SLC12A6: variants seen among roughly 807,000 people sequenced by gnomAD.
SLC12A6 encodes the protein solute carrier family 12 member 6, also known as K-Cl cotransporter 3.
Under a neutral mutation model 135.3 loss-of-function variants are expected in SLC12A6, and 66 were observed. The ratio of observed to expected loss-of-function variants is 0.49; its 90% CI spans 0.40 to 0.60. The LOEUF (loss-of-function observed/expected upper bound fraction) is 0.60. Among genes scored for constraint, SLC12A6 ranks in the 20% least tolerant of loss-of-function variants. The pLI is 0.00. For synonymous variants in SLC12A6, 513 were observed against 508.8 expected, an observed-to-expected ratio of 1.01 and a Z score of -0.11; for missense variants, 1,058 against 1,452.3, an observed-to-expected ratio of 0.73 and a Z score of 4.41.
chr15:34,290,209 T>C (rs565174994), intron 2 of SLC12A6, among the ~76,000 whole-genome samples: 62 of 152,328 alleles, frequency 4.1e-4, no homozygotes, highest in African/African-American at 1.4e-3. Flanking sequence ...AAGAACATCT[T>C]TATTTCTGCC....
At chr15:34,267,765 T>C (rs572463227) in intron 3 of SLC12A6, among the ~76,000 whole-genome samples, 11 of 152,360 alleles carry the variant, frequency 7.2e-5, no homozygotes, top group African/African-American at 2.4e-4. Flanking sequence ...TGTCATTCTG[T>C]TGTTCCTTTG....
chr15:34,323,869 AG>A (rs1404806184), intron 2 of SLC12A6, among the ~76,000 whole-genome samples: 1 of 148,890 alleles, frequency 6.7e-6, no homozygotes, highest in Non-Finnish European at 1.5e-5. Context: ...TGAGCCTGGG[AG>A]GCTGAGGCTG....
chr15:34,251,401 C>G (rs894130463), intron 10 of SLC12A6, among the ~76,000 whole-genome samples: 3 of 152,106 alleles, frequency 2.0e-5, no homozygotes, highest in African/African-American at 7.2e-5. Context: ...GCGCCTGCCA[C>G]CACGCCCAGC....
Position 34,336,391 on chromosome 15 carries a change from G to A in SLC12A6, c.271+19C>T, listed in dbSNP as rs180871525. ...GAACCCAGTAATGAAAGTATGCTGC[G>A]GTCTGTGTTTCTACTTACCCTCGAT... On this transcript the variant is annotated intron_variant, in intron 2 of 25. Coordinates refer to ENST00000354181, the MANE Select transcript of SLC12A6 (RefSeq NM_001365088.1). 2.5e-6 allele frequency: 4 copies of A among 1,599,190 alleles called. No individual in the cohort carries two copies. The Admixed American group carries it at 5.0e-5, about 20-fold the overall frequency.
intron 16 of SLC12A6, among the ~76,000 whole-genome samples, chr15:34,243,360 G>A (rs1181852125): frequency 2.6e-5 from 4 of 152,142 alleles, no homozygotes; most frequent in Non-Finnish European, 5.9e-5. Flanking sequence ...ATGTAGCAAC[G>A]GGTACATACA....
chr15:34,332,739 C>T (rs567055302), intron 2 of SLC12A6, among the ~76,000 whole-genome samples: 43 of 151,124 alleles, frequency 2.8e-4, no homozygotes, highest in African/African-American at 9.7e-4. Context: ...GCCGAGATAG[C>T]GCCACTGCAC....
chr15:34,259,046 A>G (rs1234233636), intron 4 of SLC12A6, 102 bp from the exon 5 acceptor site: 2 of 1,019,248 alleles, frequency 2.0e-6, no homozygotes, highest in South Asian at 2.7e-5. Flanking sequence ...ATGAAAAAAT[A>G]TTTCACAGGT....
intron 2 of SLC12A6, chr15:34,318,621 T>G: frequency 6.2e-7 from 1 of 1,613,776 alleles, no homozygotes; most frequent in Non-Finnish European, 8.5e-7. Flanking sequence ...TCTTGAGAGA[T>G]CGAAGCCGCT....
At chr15:34,250,227 G>T in intron 13 of SLC12A6, 71 bp downstream of exon 13, 1 of 903,206 alleles carries the variant, frequency 1.1e-6, no homozygotes, top group Non-Finnish European at 1.9e-6. Flanking sequence ...TAACTGTCTT[G>T]GAGCTATGTG....
intron 2 of SLC12A6, among the ~76,000 whole-genome samples, chr15:34,285,528 C>T (rs1239352196): frequency 6.6e-6 from 1 of 150,904 alleles, no homozygotes; most frequent in African/African-American, 2.4e-5. Flanking sequence ...TTTTCCAAGC[C>T]AGCTTAGTAG....
intron 9 of SLC12A6, among the ~76,000 whole-genome samples, chr15:34,253,987 T>C (rs1273647127): frequency 6.6e-6 from 1 of 152,108 alleles, no homozygotes; most frequent in Admixed American, 6.5e-5. Flanking sequence ...GAGGCCAAGG[T>C]GGGCCTTATA....
chr15:34,234,022 C>T (rs758555514), intron 25 of SLC12A6, 50 bp from the exon 26 acceptor site: 2 of 915,048 alleles, frequency 2.2e-6, no homozygotes, highest in Admixed American at 1.7e-5. Flanking sequence ...AAACTTAAAA[C>T]CTGGCATCAT....
intron 13 of SLC12A6, among the ~76,000 whole-genome samples, chr15:34,247,357 A>G: frequency 6.6e-6 from 1 of 151,960 alleles, no homozygotes; most frequent in Non-Finnish European, 1.5e-5. Context: ...CTCTACTAAA[A>G]ATACAAAAAA....
At chr15:34,314,737 G>A (rs571267124) in intron 2 of SLC12A6, 3 of 152,554 alleles carry the variant, frequency 2.0e-5, no homozygotes, top group Admixed American at 6.6e-5. Flanking sequence ...AGGCTGGTGA[G>A]TGCAATGGTA....
At position 34,250,685 on chromosome 15, in the gene SLC12A6, G is replaced by C; in HGVS notation, c.1537C>G (p.Gln513Glu). 3 of 1,608,174 alleles carry C rather than the reference G, an allele frequency of 1.9e-6. No homozygotes were observed. The highest frequency in any genetic ancestry group is 1.7e-6 in the Non-Finnish European group (2 of 1,174,616). ...ATAGTACCAATCGGAATAGACTTCT[G>C]AGCATCTTTCAGATCTCCAGATCTG... ...SNRSGDLKDA[Q>E]KSIPIGTILA... The change falls in exon 12 of 26, where the codon CAG becomes GAG. Residue 513 changes from glutamine to glutamate, a missense_variant. By Grantham distance (29) the Gln-to-Glu change is conservative. This residue lies in a region of SLC12A6 where 297 missense variants were observed against 318.5 expected (regional missense o/e 0.93). Coordinates refer to ENST00000354181, the MANE Select transcript of SLC12A6 (RefSeq NM_001365088.1).
At chr15:34,330,642 G>C (rs11629462) in intron 2 of SLC12A6, among the ~76,000 whole-genome samples, 1 of 151,636 alleles carries the variant, frequency 6.6e-6, no homozygotes, top group Non-Finnish European at 1.5e-5. Flanking sequence ...TATCCAGCCT[G>C]GTTGACAGAA....
At chr15:34,290,590 T>C (rs1490829700) in intron 2 of SLC12A6, among the ~76,000 whole-genome samples, 2 of 152,160 alleles carry the variant, frequency 1.3e-5, no homozygotes, top group East Asian at 1.9e-4. Flanking sequence ...AAGTCTCCCA[T>C]TGTTACTGTG....
In SLC12A6 at chr15:34,320,414, C is replaced by A. The variant is rs185229834; in HGVS notation, c.271+15996G>T. Among the ~76,000 whole-genome samples the A allele has an allele frequency of 1.1e-4, 16 of 152,136 alleles. No individual in the cohort carries two copies. In the East Asian group the frequency reaches 2.7e-3, roughly 26 times the overall value. ...CATAGAGAGACAAATATCACATTTT[C>A]ATTCATACGTAGGAGCTAAAAATGT... On this transcript the variant is annotated intron_variant, in intron 2 of 25. Transcript: ENST00000354181.
chr15:34,257,631 G>A lies in SLC12A6; in HGVS notation c.690+11C>T, dbSNP rs768695704. The A allele has an allele frequency of 1.9e-6, 3 of 1,611,328 alleles. No homozygotes were observed. The highest frequency in any genetic ancestry group is 2.5e-6 in the Non-Finnish European group (3 of 1,177,504). On this transcript the variant is annotated intron_variant, in intron 6 of 25. Transcript: ENST00000354181. ...GTTCAGGTGATCTCTAGGAGCCAGTGCAGTACTTACACAGCAGCAGCAGAT... is the reference window on the plus strand; with the variant it reads ...GTTCAGGTGATCTCTAGGAGCCAGTACAGTACTTACACAGCAGCAGCAGAT...
Sources: gnomAD v4.1 joint callset for allele counts (sites outside exome capture counted in the v4.1 genomes callset) on GRCh38, gnomAD v4.1.1 for gene constraint, gnomAD v4.1.1 regional missense constraint, MANE v1.5 for transcripts, NCBI Gene and HGNC (gene_info 2026-07-23, HGNC 2026-07-21) for gene names.